The following FRAS1 variants were observed in gnomAD, a reference collection of about 807,000 sequenced individuals.
FRAS1 encodes the protein extracellular matrix organizing protein FRAS1.
In FRAS1, 290 loss-of-function variants were observed where a neutral mutation model predicts 435.2. That is an observed-to-expected ratio of 0.67 (90% CI 0.61 to 0.73). The LOEUF (loss-of-function observed/expected upper bound fraction) is 0.73, where lower values mean the gene tolerates loss of function less well. Ranked by LOEUF, FRAS1 falls within the 30% of genes least tolerant of loss-of-function variation. The probability of loss-of-function intolerance (pLI) is 0.00; values close to 1 mark genes in which losing one functional copy is unlikely to be tolerated. For missense variants in FRAS1, 4,860 were observed against 5,001.5 expected (o/e 0.97, Z 0.85); for synonymous variants, 1,800 against 1,851.0 (o/e 0.97, Z 0.71).
rs1299458477 is a variant in FRAS1 at position 78,255,243 on chromosome 4, A to G, written c.471A>G (p.Lys157=). The stretch of plus-strand genomic sequence containing the variant: ...ATCCTTGTTTCTTTGACCTTCCAGA[A>G]CCCTGTTCCTATGAAGGCCATGTGT... ...SCCPVCVGLG[K]PCSYEGHVFQ... is the part of the protein sequence containing the mutation. The change falls in exon 6 of 74, where the codon AAA becomes AAG. Residue 157 remains lysine, a splice_region_variant and synonymous_variant. Coordinates refer to ENST00000512123, the MANE Select transcript of FRAS1 (RefSeq NM_025074.7). 1 of 1,551,822 alleles carries G rather than the reference A, an allele frequency of 6.4e-7. No homozygotes were observed. The highest frequency in any genetic ancestry group is 8.7e-7 in the Non-Finnish European group (1 of 1,147,066).
At chr4:78,381,986 A>G (rs539093307) in intron 27 of FRAS1, among the ~76,000 whole-genome samples, 1 of 152,370 alleles carries the variant, frequency 6.6e-6, no homozygotes, top group Admixed American at 6.5e-5. Flanking sequence ...TGAATAATGC[A>G]AAACAAAAGG....
At chr4:78,437,900 A>C (rs1476623230) in intron 38 of FRAS1, among the ~76,000 whole-genome samples, 1 of 152,072 alleles carries the variant, frequency 6.6e-6, no homozygotes, top group African/African-American at 2.4e-5. Context: ...AGTCATTTTT[A>C]TTTCTCAACA....
chr4:78,114,153 A>G (rs1046868560), intron 2 of FRAS1, among the ~76,000 whole-genome samples: 3 of 152,128 alleles, frequency 2.0e-5, no homozygotes, highest in African/African-American at 7.2e-5. Context: ...ATGCGGCATT[A>G]CTTCTGAGGG....
chr4:78,499,174 A>G (rs1720601094), intron 60 of FRAS1, among the ~76,000 whole-genome samples: 1 of 152,178 alleles, frequency 6.6e-6, no homozygotes, highest in Non-Finnish European at 1.5e-5. Context: ...TATAGCTTGT[A>G]GGAAATTAAG....
intron 2 of FRAS1, among the ~76,000 whole-genome samples, chr4:78,136,615 T>A (rs1163132106): frequency 6.6e-6 from 1 of 152,166 alleles, no homozygotes; most frequent in African/African-American, 2.4e-5. Flanking sequence ...AGTTCTTGAA[T>A]GAGGAAGAGG....
chr4:78,363,829 T>G, intron 21 of FRAS1, 79 bp from the exon 22 acceptor site: 1 of 1,510,422 alleles, frequency 6.6e-7, no homozygotes, highest in Admixed American at 2.0e-5. Context: ...TGTTGGGACT[T>G]TATTACCCAC....
intron 37 of FRAS1, 139 bp downstream of exon 37, chr4:78,430,556 T>C: frequency 6.8e-6 from 6 of 887,276 alleles, no homozygotes; most frequent in Non-Finnish European, 9.8e-6. Context: ...TGTAGTTTCA[T>C]TGGCTTTGAT....
chr4:78,097,005 T>G (rs1741847112), intron 2 of FRAS1, among the ~76,000 whole-genome samples: 1 of 152,226 alleles, frequency 6.6e-6, no homozygotes, highest in Non-Finnish European at 1.5e-5. Flanking sequence ...TTTATAAAAC[T>G]GAATGCCTTT....
intron 2 of FRAS1, among the ~76,000 whole-genome samples, chr4:78,183,732 T>TTGTGTGTGTGTGTG (rs3974339): frequency 0.015 from 2,010 of 136,974 alleles, 22 homozygotes; most frequent in Non-Finnish European, 0.021. Flanking sequence ...TTCATTCTCT[T>TTGTGTGTGTGTGTG]TGTGTGTGTG....
chr4:78,084,058 C>T (rs1741028715), intron 2 of FRAS1, among the ~76,000 whole-genome samples: 2 of 152,012 alleles, frequency 1.3e-5, no homozygotes, highest in African/African-American at 2.4e-5. Flanking sequence ...TTCTAGCATC[C>T]ACCAAAAGGG....
intron 14 of FRAS1, among the ~76,000 whole-genome samples, chr4:78,303,840 C>T (rs903933044): frequency 6.7e-6 from 1 of 149,058 alleles, no homozygotes; most frequent in African/African-American, 2.4e-5. Context: ...AATTGAATAC[C>T]CTTTATTTCC....
In FRAS1 at chr4:78,162,326, A is replaced by G. The variant is rs147096609; in HGVS notation, c.109-75184A>G. ...TGCTCATCAATAGGAATTTATGATT[A>G]TGTGTTTCCATCTTGTTGTTCGGTC... On this transcript the variant is annotated intron_variant, in intron 2 of 73. Transcript: ENST00000512123. Among the ~76,000 whole-genome samples the G allele has an allele frequency of 3.3e-3, 500 of 152,276 alleles. 3 individuals are homozygous for G. The highest frequency in any genetic ancestry group is 0.011 in the African/African-American group (475 of 41,556).
At chr4:78,427,946 A>G (rs1303065794) in intron 35 of FRAS1, among the ~76,000 whole-genome samples, 5 of 152,220 alleles carry the variant, frequency 3.3e-5, no homozygotes, top group Admixed American at 6.5e-5. Context: ...GTTTCTCATA[A>G]CCAACACATA....
At chr4:78,357,674 G>C (rs932040270) in intron 20 of FRAS1, among the ~76,000 whole-genome samples, 3 of 152,064 alleles carry the variant, frequency 2.0e-5, no homozygotes, top group African/African-American at 7.2e-5. Flanking sequence ...AACCAAGGAG[G>C]GAAGATTGCT....
intron 20 of FRAS1, among the ~76,000 whole-genome samples, chr4:78,358,862 A>G (rs1456410544): frequency 6.6e-6 from 1 of 152,236 alleles, no homozygotes; most frequent in African/African-American, 2.4e-5. Context: ...TGATGTTTAC[A>G]GGAGTCCCTA....
Position 78,455,420 on chromosome 4 carries a change from A to AGGGG in FRAS1, c.6763+3069_6763+3070insGGGG, listed in dbSNP as rs148293537. Among the ~76,000 whole-genome samples the AGGGG allele has an allele frequency of 1.7e-3, 261 of 149,170 alleles. 1 individual carries two copies. Among genetic ancestry groups the AGGGG allele is most frequent in the African/African-American group, 6.1e-3 (239 of 39,122 alleles). ...GGTTTACCAGAAGTTGGAGTTGAGG[A>AGGGG]GGGAGGGGGTTCTGTTATTTCCAAG... On this transcript the variant is annotated intron_variant, in intron 47 of 73. Coordinates refer to ENST00000512123, the MANE Select transcript of FRAS1 (RefSeq NM_025074.7).
intron 43 of FRAS1, 113 bp from the exon 44 acceptor site, chr4:78,447,940 G>A: frequency 2.1e-6 from 2 of 945,900 alleles, no homozygotes; most frequent in Non-Finnish European, 3.1e-6. Context: ...AGCCTCTGAG[G>A]CACTTGACAT....
In FRAS1 at chr4:78,243,561, C is replaced by G. The variant is rs141781574; in HGVS notation, c.217-1672C>G. 4.4e-3 allele frequency among the ~76,000 whole-genome samples: 669 copies of G among 152,162 alleles called. 5 individuals carry two copies. The highest frequency in any genetic ancestry group is 0.015 in the African/African-American group (633 of 41,504). On this transcript the variant is annotated intron_variant, in intron 3 of 73. Coordinates refer to ENST00000512123, the MANE Select transcript of FRAS1 (RefSeq NM_025074.7). ...GCACCCACATGCAAAATTTTTATTCCTCCTTTAACTCAACTCTTTTATGTT... is the reference window on the plus strand; with the variant it reads ...GCACCCACATGCAAAATTTTTATTCGTCCTTTAACTCAACTCTTTTATGTT...
intron 2 of FRAS1, among the ~76,000 whole-genome samples, chr4:78,150,704 G>T (rs1017834287): frequency 1.3e-5 from 2 of 152,156 alleles, no homozygotes; most frequent in Admixed American, 6.5e-5. Flanking sequence ...AAACTAGCTT[G>T]TAAAGACAGC....
Sources: allele counts gnomAD v4.1 joint callset (sites outside exome capture counted in the v4.1 genomes callset), GRCh38; gene constraint gnomAD v4.1.1; transcripts MANE v1.5; gene names NCBI Gene and HGNC (gene_info 2026-07-23, HGNC 2026-07-21).